Variants in TMEM131L observed in about 807,000 individuals in gnomAD.
TMEM131L encodes transmembrane 131 like.
Under a neutral mutation model 192.2 loss-of-function variants are expected in TMEM131L, and 54 were observed. That is an observed-to-expected ratio of 0.28 (90% CI 0.23 to 0.35). The LOEUF (loss-of-function observed/expected upper bound fraction) is 0.35. Among genes scored for constraint, TMEM131L ranks in the 10% least tolerant of loss-of-function variants. The pLI is 1.00. For synonymous variants in TMEM131L, 701 were observed against 704.9 expected, an observed-to-expected ratio of 0.99 and a Z score of 0.09; for missense variants, 1,888 against 1,972.9, an observed-to-expected ratio of 0.96 and a Z score of 0.82.
intron 27 of TMEM131L, 139 bp downstream of exon 27, chr4:153,621,019 T>A: frequency 1.7e-6 from 1 of 590,800 alleles, no homozygotes; most frequent in Non-Finnish European, 2.9e-6. Context: ...CTCTTAAGAT[T>A]AAAATACATT....
At chr4:153,556,889 C>A in intron 5 of TMEM131L, 77 bp from the exon 6 acceptor site, 1 of 726,784 alleles carries the variant, frequency 1.4e-6, no homozygotes, top group South Asian at 1.7e-5. Flanking sequence ...CAGAAATTGT[C>A]AAAAAAAGAA....
At chr4:153,483,454 G>C (rs145070911) in intron 3 of TMEM131L, among the ~76,000 whole-genome samples, 15 of 152,274 alleles carry the variant, frequency 9.9e-5, no homozygotes, top group Non-Finnish European at 2.2e-4. Context: ...CTAGCACTTT[G>C]AGAGGCTGAG....
intron 17 of TMEM131L, 99 bp from the exon 18 acceptor site, chr4:153,592,376 G>C: frequency 1.3e-6 from 1 of 750,108 alleles, no homozygotes; most frequent in East Asian, 2.6e-5. Context: ...GGAGTTACAT[G>C]ATATTTCCTC....
chr4:153,592,497 AC>A lies in TMEM131L; in HGVS notation c.1838del (p.Pro613ArgfsTer22). 4 of 1,613,902 alleles carry A rather than the reference AC, an allele frequency of 2.5e-6. No homozygotes were observed. The highest frequency in any genetic ancestry group is 2.5e-6 in the Non-Finnish European group (3 of 1,179,934). The stretch of plus-strand genomic sequence containing the variant: ...TAGATCAAGTACTTTGTGGTGCAGA[AC>A]CCGTCCTCTTGGCCGGTCTCCTTGC... ...SRMIKYFVVQ[N>X]PSSWPVSLQL... On this transcript the variant is annotated frameshift_variant, in exon 18 of 35. Transcript: ENST00000409959. LOFTEE classifies it high-confidence loss of function.
intron 3 of TMEM131L, among the ~76,000 whole-genome samples, chr4:153,482,096 G>A (rs888961242): frequency 6.6e-6 from 1 of 150,878 alleles, no homozygotes; most frequent in Non-Finnish European, 1.5e-5. Context: ...TGCCTGCCTC[G>A]GCCTCCCAAA....
intron 3 of TMEM131L, among the ~76,000 whole-genome samples, chr4:153,502,140 C>A (rs2150000470): frequency 2.0e-5 from 3 of 152,012 alleles, no homozygotes; most frequent in Admixed American, 2.0e-4. Flanking sequence ...GATGAGTTTT[C>A]ACCGTGCTTC....
At chr4:153,620,136 G>A (rs1026125845) in intron 26 of TMEM131L, among the ~76,000 whole-genome samples, 10 of 152,224 alleles carry the variant, frequency 6.6e-5, no homozygotes, top group African/African-American at 2.4e-4. Flanking sequence ...AATAGACCAT[G>A]CCTGACATTG....
intron 31 of TMEM131L, among the ~76,000 whole-genome samples, chr4:153,630,029 T>G (rs1290515018): frequency 6.6e-6 from 1 of 152,232 alleles, no homozygotes; most frequent in East Asian, 1.9e-4. Context: ...CTCTTCCTTC[T>G]GAGACTTTGC....
At chr4:153,620,671 C>A (rs776504394) in intron 26 of TMEM131L, 85 bp from the exon 27 acceptor site, 10 of 816,694 alleles carry the variant, frequency 1.2e-5, no homozygotes, top group Non-Finnish European at 1.6e-5. Context: ...ATTCTGAATT[C>A]AGATGGAGTT....
chr4:153,494,240 C>A (rs949268961), intron 3 of TMEM131L, among the ~76,000 whole-genome samples: 1 of 151,976 alleles, frequency 6.6e-6, no homozygotes, highest in Admixed American at 6.6e-5. Context: ...CGTGCTTTAG[C>A]GAAATTCCAT....
intron 3 of TMEM131L, among the ~76,000 whole-genome samples, chr4:153,503,282 T>A (rs1368880770): frequency 1.3e-5 from 2 of 152,202 alleles, no homozygotes; most frequent in Non-Finnish European, 2.9e-5. Context: ...ATTTCAGGGA[T>A]TTGGTTATTC....
In TMEM131L at chr4:153,588,987, T is replaced by C. The variant is rs1172261767; in HGVS notation, c.1650T>C (p.Tyr550=). The C allele has an allele frequency of 1.3e-6, 2 of 1,585,034 alleles. No individual in the cohort carries two copies. The highest frequency in any genetic ancestry group is 1.1e-5 in the South Asian group (1 of 90,444). ...AATTGTATGAAAGATGGAAGAAATA[T>C]AAAAATGGTGACGTCTGCAAGTACG... ...ANKLYERWKK[Y]KNGDVCKRNV... is the part of the protein sequence containing the mutation. Residue 550 remains tyrosine, a synonymous_variant, in exon 16 of 35, where the codon TAT becomes TAC. Coordinates refer to ENST00000409959, the MANE Select transcript of TMEM131L (RefSeq NM_001131007.2).
rs768293842 is a variant in TMEM131L, at chr4:153,636,471, C to T, written c.4728C>T (p.Phe1576=). Residue 1576 remains phenylalanine, a synonymous_variant, in exon 35 of 35, where the codon TTC becomes TTT. Coordinates refer to ENST00000409959, the MANE Select transcript of TMEM131L (RefSeq NM_001131007.2). ...TGTGCAAGGAATACTACCCGGGGTTCAACCCGTTTCGCGCCTATATGAACC... is the reference window on the plus strand; with the variant it reads ...TGTGCAAGGAATACTACCCGGGGTTTAACCCGTTTCGCGCCTATATGAACC... ...AVVCKEYYPG[F]NPFRAYMNLD... The T allele has an allele frequency of 1.2e-6, 2 of 1,614,086 alleles. No homozygotes were observed. The highest frequency in any genetic ancestry group is 1.3e-5 in the African/African-American group (1 of 74,914).
chr4:153,607,890 C>T (rs1391900732), intron 25 of TMEM131L, among the ~76,000 whole-genome samples: 1 of 152,186 alleles, frequency 6.6e-6, no homozygotes, highest in African/African-American at 2.4e-5. Context: ...CCAGGAGTTC[C>T]AGGCCAGCCT....
chr4:153,501,124 T>C (rs1733574878), intron 3 of TMEM131L, among the ~76,000 whole-genome samples: 2 of 151,366 alleles, frequency 1.3e-5, no homozygotes, highest in African/African-American at 4.9e-5. Context: ...AATTTTAGAA[T>C]AGCAAGAATA....
At position 153,601,257 on chromosome 4, in the gene TMEM131L, C is replaced by A. The variant is rs551455352; in HGVS notation, c.2267-895C>A. 6.2e-4 allele frequency among the ~76,000 whole-genome samples: 94 copies of A among 152,242 alleles called. 1 individual carries two copies. In the South Asian group the frequency reaches 0.018, roughly 29 times the overall value. ...ATAAAAACTATAGAACCAGACCTGTCGCCATAGCTCATGCCTGTAATCCCA... is the reference window on the plus strand; with the variant it reads ...ATAAAAACTATAGAACCAGACCTGTAGCCATAGCTCATGCCTGTAATCCCA... On this transcript the variant is annotated intron_variant, in intron 21 of 34. Coordinates refer to ENST00000409959, the MANE Select transcript of TMEM131L (RefSeq NM_001131007.2).
chr4:153,526,524 G>C (rs551205679), intron 3 of TMEM131L, among the ~76,000 whole-genome samples: 2 of 152,118 alleles, frequency 1.3e-5, no homozygotes, highest in South Asian at 4.2e-4. Flanking sequence ...CACGAGGTCA[G>C]GAGATTGAGA....
intron 3 of TMEM131L, among the ~76,000 whole-genome samples, chr4:153,531,515 A>G (rs529484508): frequency 6.6e-6 from 1 of 152,376 alleles, no homozygotes; most frequent in African/African-American, 2.4e-5. Flanking sequence ...GGAAAGGAAT[A>G]TATTTCAAAA....
intron 26 of TMEM131L, among the ~76,000 whole-genome samples, chr4:153,614,246 C>G (rs1200170856): frequency 6.6e-6 from 1 of 152,114 alleles, no homozygotes; most frequent in Non-Finnish European, 1.5e-5. Flanking sequence ...CCTCCTAGGT[C>G]GGAAGGCCAT....
Sources: gnomAD v4.1 joint callset for allele counts (sites outside exome capture counted in the v4.1 genomes callset) on GRCh38, gnomAD v4.1.1 for gene constraint, MANE v1.5 for transcripts, NCBI Gene and HGNC (gene_info 2026-07-23, HGNC 2026-07-21) for gene names.